The following MKLN1 variants were observed in gnomAD, a reference collection of about 807,000 sequenced individuals.
MKLN1 encodes muskelin.
MKLN1 carries 18 observed loss-of-function variants against 99.0 expected under a neutral mutation model. The observed-to-expected ratio is 0.18, with a 90% CI of 0.13 to 0.27. MKLN1 has a LOEUF of 0.27. MKLN1 is among the 10% of genes least tolerant of loss of function. The pLI is 1.00. For synonymous variants in MKLN1, 288 were observed against 293.2 expected (o/e 0.98, Z 0.18); for missense variants, 621 against 875.9 (o/e 0.71, Z 3.67).
intron 3 of MKLN1, among the ~76,000 whole-genome samples, chr7:131,317,782 A>G (rs2116653960): frequency 6.6e-6 from 1 of 151,674 alleles, no homozygotes; most frequent in Non-Finnish European, 1.5e-5. Context: ...AAAAAAAAAA[A>G]AAAAGCAGGG....
At chr7:131,400,642 G>A (rs1489728748) in intron 6 of MKLN1, among the ~76,000 whole-genome samples, 4 of 151,144 alleles carry the variant, frequency 2.6e-5, no homozygotes, top group African/African-American at 9.7e-5. Flanking sequence ...ATATTTATCA[G>A]TAAGGCATTT....
At chr7:131,334,292 C>T (rs1385097018) in intron 1 of MKLN1, among the ~76,000 whole-genome samples, 3 of 152,158 alleles carry the variant, frequency 2.0e-5, no homozygotes, top group Non-Finnish European at 4.4e-5. Context: ...TTATGCCCTT[C>T]CTTTTCTCCC....
intron 1 of MKLN1, among the ~76,000 whole-genome samples, chr7:131,115,697 T>C (rs1795266282): frequency 6.6e-6 from 1 of 152,168 alleles, no homozygotes; most frequent in African/African-American, 2.4e-5. Flanking sequence ...ACCACCGCAG[T>C]GACACCAGCC....
Position 131,392,602 on chromosome 7 carries a change from CT to C in MKLN1, c.400+3647del, listed in dbSNP as rs772614936. On this transcript the variant is annotated intron_variant, in intron 4 of 17. Transcript: ENST00000352689. ...GAATTTTTAGGATCTCTCAGAACCTCTTTTTTTTTTTTTTTTTGGGAGGTGG... is the reference window on the plus strand; with the variant it reads ...GAATTTTTAGGATCTCTCAGAACCTCTTTTTTTTTTTTTTTTGGGAGGTGG... Among the ~76,000 whole-genome samples the C allele has an allele frequency of 6.7e-3, 906 of 134,492 alleles. 8 individuals are homozygous for C. The highest frequency in any genetic ancestry group is 0.027 in the East Asian group (129 of 4,726). 88.2% of individuals were successfully genotyped at this position (134,492 alleles called of 152,430 possible). A position where few individuals can be genotyped will look rare whatever the true frequency, so the allele number is the denominator to read the frequency against.
chr7:131,149,090 G>GGGGTTTTGGTATGGCTT (rs1795854099), intron 2 of MKLN1, among the ~76,000 whole-genome samples: 1 of 152,118 alleles, frequency 6.6e-6, no homozygotes, highest in Admixed American at 6.6e-5. Context: ...CAACGCAGGT[G>GGGGTTTTGGTATGGCTT]GGGTTTTGGT....
intron 2 of MKLN1, among the ~76,000 whole-genome samples, chr7:131,149,255 T>G (rs1360983612): frequency 6.6e-6 from 1 of 152,230 alleles, no homozygotes; most frequent in African/African-American, 2.4e-5. Context: ...GGTTTAGTCA[T>G]GTTTTATTTT....
At chr7:131,370,997 C>G (rs1261640113) in intron 1 of MKLN1, among the ~76,000 whole-genome samples, 1 of 152,230 alleles carries the variant, frequency 6.6e-6, no homozygotes, top group South Asian at 2.1e-4. Context: ...CACTCCGTTT[C>G]TGGTCTGTAT....
rs547488802 is a variant in MKLN1, at chr7:131,382,958, C to T, written c.169-4162C>T. Among the ~76,000 whole-genome samples, 25 of 152,206 alleles carry T rather than the reference C, an allele frequency of 1.6e-4. No homozygotes were observed. In the East Asian group the frequency reaches 2.3e-3, roughly 14 times the overall value. ...TAGGATGGTCTCGATCTCTTGACCT[C>T]GTGATCGACCCTCCTTGGCCTCCCA... On this transcript the variant is annotated intron_variant, in intron 2 of 17. Coordinates refer to ENST00000352689, the MANE Select transcript of MKLN1 (RefSeq NM_013255.5).
chr7:131,300,692 AAAAAAAAACAACCAAAAAG>A (rs1310675869), intron 3 of MKLN1, among the ~76,000 whole-genome samples: 4 of 130,862 alleles, frequency 3.1e-5, no homozygotes, highest in Non-Finnish European at 5.1e-5. Context: ...TGTCTCAAAA[AAAAAAAAACAACCAAAAAG>A]AAAAAAAAAG....
rs539209350 is a variant in MKLN1 at position 131,163,666 on chromosome 7, G to A, written c.-297+20725G>A. On this transcript the variant is annotated intron_variant, in intron 2 of 7. Coordinates refer to the MKLN1 transcript ENST00000416992. ...CTGTCAAGGAGAGAAACCATTCTCT[G>A]AAATATTAAGCCATTCTCTAAAATA... Among the ~76,000 whole-genome samples, 4 of 152,262 alleles carry A rather than the reference G, an allele frequency of 2.6e-5. No individual in the cohort carries two copies. The Middle Eastern group carries it at 0.01, about 388-fold the overall frequency.
At position 131,401,361 on chromosome 7, in the gene MKLN1, C is replaced by T. The variant is rs577122779; in HGVS notation, c.703+1928C>T. Among the ~76,000 whole-genome samples the T allele has an allele frequency of 3.9e-5, 6 of 152,244 alleles. No homozygotes were observed. The East Asian group carries it at 1.2e-3, about 29-fold the overall frequency. On this transcript the variant is annotated intron_variant, in intron 6 of 17. Transcript: ENST00000352689. ...ACTACCTCTTTGCCCATGCAGGATC[C>T]AGTGATGATAGGCAAAAGTAATCAC...
chr7:131,441,754 A>G (rs1389494461), intron 10 of MKLN1, among the ~76,000 whole-genome samples: 1 of 152,240 alleles, frequency 6.6e-6, no homozygotes, highest in African/African-American at 2.4e-5. Flanking sequence ...AATATTCTCA[A>G]AAAGAAAGAA....
At chr7:131,278,572 A>G (rs982338187) in intron 3 of MKLN1, among the ~76,000 whole-genome samples, 8 of 152,048 alleles carry the variant, frequency 5.3e-5, no homozygotes, top group Non-Finnish European at 1.2e-4. Context: ...TGTGGTATTA[A>G]TAGTAACAAT....
chr7:131,309,031 T>A (rs1798514462), intron 3 of MKLN1, among the ~76,000 whole-genome samples: 1 of 152,226 alleles, frequency 6.6e-6, no homozygotes, highest in African/African-American at 2.4e-5. Flanking sequence ...AAAATGATGA[T>A]CCATTGTCCA....
At chr7:131,244,191 GGAATTTGCCGAA>G in intron 3 of MKLN1, among the ~76,000 whole-genome samples, 1 of 152,214 alleles carries the variant, frequency 6.6e-6, no homozygotes, top group African/African-American at 2.4e-5. Context: ...TTAGTTTTCG[GGAATTTGCCGAA>G]GAGCAGGTGG....
chr7:131,398,118 G>A (rs894582363), intron 5 of MKLN1, among the ~76,000 whole-genome samples: 1 of 151,930 alleles, frequency 6.6e-6, no homozygotes, highest in African/African-American at 2.4e-5. Flanking sequence ...CTTATTAAAG[G>A]GTCATGCCTA....
At chr7:131,145,611 A>G (rs1378459326) in intron 2 of MKLN1, among the ~76,000 whole-genome samples, 2 of 152,244 alleles carry the variant, frequency 1.3e-5, no homozygotes, top group South Asian at 2.1e-4. Flanking sequence ...GAAATAACAA[A>G]AAGATCCAAG....
intron 1 of MKLN1, among the ~76,000 whole-genome samples, chr7:131,131,539 T>C (rs968987135): frequency 1.3e-5 from 2 of 152,204 alleles, no homozygotes; most frequent in East Asian, 1.9e-4. Context: ...CAGGTATTGT[T>C]ATCCCCATTT....
intron 4 of MKLN1, among the ~76,000 whole-genome samples, chr7:131,391,625 C>T (rs751233252): frequency 2.0e-5 from 3 of 152,174 alleles, no homozygotes; most frequent in Non-Finnish European, 4.4e-5. Context: ...GAACTGATGT[C>T]ATTGGACTGC....
Sources: gnomAD v4.1 joint callset for allele counts (sites outside exome capture counted in the v4.1 genomes callset) on GRCh38, gnomAD v4.1.1 for gene constraint, MANE v1.5 for transcripts, NCBI Gene and HGNC (gene_info 2026-07-23, HGNC 2026-07-21) for gene names.